PALLD: variants seen among roughly 807,000 people sequenced by gnomAD.
The protein encoded by PALLD is palladin.
In PALLD, 61 loss-of-function variants were observed where a neutral mutation model predicts 123.5. That is an observed-to-expected ratio of 0.49 (90% CI 0.40 to 0.61). The LOEUF (loss-of-function observed/expected upper bound fraction) is 0.61. Among genes scored for constraint, PALLD ranks in the 20% least tolerant of loss-of-function variants. PALLD has a pLI of 0.00. For missense variants in PALLD, 1,273 were observed against 1,377.0 expected (o/e 0.92, Z 1.20); for synonymous variants, 465 against 496.4 (o/e 0.94, Z 0.84).
intron 10 of PALLD, among the ~76,000 whole-genome samples, chr4:168,719,665 A>G (rs1368463339): frequency 6.6e-6 from 1 of 152,084 alleles, no homozygotes; most frequent in South Asian, 2.1e-4. Flanking sequence ...TGTACAGATA[A>G]TTTTGTCACC....
intron 2 of PALLD, among the ~76,000 whole-genome samples, chr4:168,638,133 G>A (rs968135470): frequency 6.6e-6 from 1 of 152,000 alleles, no homozygotes; most frequent in African/African-American, 2.4e-5. Context: ...AATCACAGCA[G>A]TTTATCCTCA....
At chr4:168,532,401 AT>A (rs1485268699) in intron 2 of PALLD, among the ~76,000 whole-genome samples, 1 of 152,240 alleles carries the variant, frequency 6.6e-6, no homozygotes, top group Non-Finnish European at 1.5e-5. Context: ...ATAGCCAGGT[AT>A]TATAGGAAAA....
At chr4:168,697,515 T>C (rs1581021767) in intron 8 of PALLD, among the ~76,000 whole-genome samples, 1 of 152,336 alleles carries the variant, frequency 6.6e-6, no homozygotes, top group East Asian at 1.9e-4. Flanking sequence ...GCCCGTCTTT[T>C]ATTTGGATGA....
chr4:168,825,255 TCTC>T (rs751123245), intron 10 of PALLD, among the ~76,000 whole-genome samples: 1 of 152,218 alleles, frequency 6.6e-6, no homozygotes, highest in African/African-American at 2.4e-5. Flanking sequence ...ATATTTGACT[TCTC>T]CTTATTCTCT....
intron 2 of PALLD, among the ~76,000 whole-genome samples, chr4:168,562,896 G>A (rs890868093): frequency 3.3e-5 from 5 of 152,170 alleles, no homozygotes; most frequent in Non-Finnish European, 4.4e-5. Flanking sequence ...CAGCTCCATC[G>A]TTTGTGTAGA....
At chr4:168,501,377 G>A (rs377079695) in intron 1 of PALLD, among the ~76,000 whole-genome samples, 9 of 151,972 alleles carry the variant, frequency 5.9e-5, no homozygotes, top group East Asian at 1.9e-4. Context: ...TCACACCATC[G>A]CACTACTACA....
chr4:168,811,776 T>TCTCA (rs1228399235), intron 10 of PALLD, among the ~76,000 whole-genome samples: 47 of 143,750 alleles, frequency 3.3e-4, no homozygotes, highest in African/African-American at 1.1e-3. Flanking sequence ...TCTCTCTCTC[T>TCTCA]CACACACACA....
intron 10 of PALLD, among the ~76,000 whole-genome samples, chr4:168,770,094 T>TG (rs1441777206): frequency 1.3e-5 from 2 of 152,104 alleles, no homozygotes; most frequent in Non-Finnish European, 2.9e-5. Flanking sequence ...AAGGCTGAGT[T>TG]GGGGGAGAGG....
Position 168,927,172 on chromosome 4 carries a change from A to G in PALLD, c.*992A>G, listed in dbSNP as rs28718025. 1,914 of 229,866 alleles carry G rather than the reference A, an allele frequency of 8.3e-3. 51 individuals are homozygous for G. Among genetic ancestry groups the G allele is most frequent in the African/African-American group, 0.039 (1,783 of 45,272 alleles). 14.2% of individuals were successfully genotyped at this position (229,866 alleles called of 1,614,324 possible). A position where few individuals can be genotyped will look rare whatever the true frequency, so the allele number is the denominator to read the frequency against. On this transcript the variant is annotated 3_prime_UTR_variant, in exon 22 of 22. Transcript: ENST00000505667. Reference sequence around the variant, plus strand: ...TCCAAACCACCCAAATGACCAAGGCATATATAGTATTTGGAGGAATCAGGG... The same window carrying G: ...TCCAAACCACCCAAATGACCAAGGCGTATATAGTATTTGGAGGAATCAGGG...
chr4:168,840,011 C>A (rs554721011), intron 10 of PALLD, among the ~76,000 whole-genome samples: 3 of 152,064 alleles, frequency 2.0e-5, no homozygotes, highest in African/African-American at 4.8e-5. Flanking sequence ...TGATTCAAAA[C>A]TGGAGTTAGA....
chr4:168,565,574 G>A (rs1768289831), intron 2 of PALLD, among the ~76,000 whole-genome samples: 1 of 152,092 alleles, frequency 6.6e-6, no homozygotes. Context: ...GGAGACTGGG[G>A]AGGTCAGGTG....
intron 10 of PALLD, among the ~76,000 whole-genome samples, chr4:168,794,087 G>A (rs944184857): frequency 5.9e-5 from 9 of 152,066 alleles, no homozygotes; most frequent in African/African-American, 1.2e-4. Context: ...CAGCCTCGAC[G>A]GAACCCCTTT....
intron 10 of PALLD, among the ~76,000 whole-genome samples, chr4:168,830,598 C>T (rs1052483599): frequency 6.6e-6 from 1 of 152,066 alleles, no homozygotes; most frequent in Non-Finnish European, 1.5e-5. Flanking sequence ...TGTTTAAATA[C>T]ACATCCAAAA....
intron 10 of PALLD, 110 bp from the exon 11 acceptor site, chr4:168,890,812 A>T: frequency 9.3e-7 from 1 of 1,073,254 alleles, no homozygotes; most frequent in South Asian, 1.3e-5. Flanking sequence ...CATAAAAAAT[A>T]GTGGGAGTGA....
At chr4:168,598,443 C>A in intron 2 of PALLD, 1 of 623,130 alleles carries the variant, frequency 1.6e-6, no homozygotes, top group Non-Finnish European at 3.1e-6. Flanking sequence ...ATTGGTTTGG[C>A]TTCTGCATGA....
intron 2 of PALLD, among the ~76,000 whole-genome samples, chr4:168,561,256 C>G (rs1165865367): frequency 2.0e-5 from 3 of 151,336 alleles, no homozygotes; most frequent in African/African-American, 7.3e-5. Context: ...GACCAATTTT[C>G]TTTTTTTTTC....
intron 14 of PALLD, among the ~76,000 whole-genome samples, chr4:168,901,986 G>A (rs935120472): frequency 4.6e-5 from 7 of 152,298 alleles, no homozygotes; most frequent in Non-Finnish European, 5.9e-5. Context: ...AGTTTAATAC[G>A]TAATATAGTT....
chr4:168,588,559 AC>A (rs938426107), intron 2 of PALLD, among the ~76,000 whole-genome samples: 26 of 151,778 alleles, frequency 1.7e-4, no homozygotes, highest in African/African-American at 6.1e-4. Context: ...CTGCAGCCAC[AC>A]CCGGCTAACT....
chr4:168,791,540 C>A (rs1737526450), intron 10 of PALLD, among the ~76,000 whole-genome samples: 1 of 152,138 alleles, frequency 6.6e-6, no homozygotes, highest in South Asian at 2.1e-4. Flanking sequence ...GCCATCAGAT[C>A]TGGTGAGAAC....
Sources: gnomAD v4.1 joint callset for allele counts (sites outside exome capture counted in the v4.1 genomes callset) on GRCh38, gnomAD v4.1.1 for gene constraint, MANE v1.5 for transcripts, NCBI Gene and HGNC (gene_info 2026-07-23, HGNC 2026-07-21) for gene names.